The following BMERB1 variants were observed in gnomAD, a reference collection of about 807,000 sequenced individuals.
BMERB1 encodes the protein bMERB domain-containing protein 1.
Under a neutral mutation model 23.6 loss-of-function variants are expected in BMERB1, and 12 were observed. That is an observed-to-expected ratio of 0.51 (90% CI 0.33 to 0.82). The LOEUF is 0.82. Among genes scored for constraint, BMERB1 ranks in the 40% least tolerant of loss-of-function variants. BMERB1 has a pLI of 0.03. For synonymous variants in BMERB1, 122 were observed against 96.6 expected, an observed-to-expected ratio of 1.26 and a Z score of -1.54; for missense variants, 247 against 255.4, an observed-to-expected ratio of 0.97 and a Z score of 0.22.
chr16:15,495,527 G>A (rs1030503837), intron 1 of BMERB1, among the ~76,000 whole-genome samples: 1 of 152,224 alleles, frequency 6.6e-6, no homozygotes, highest in South Asian at 2.1e-4. Flanking sequence ...CACCACGCCT[G>A]GCTAATTTTT....
chr16:15,509,899 A>G (rs1301883611), intron 1 of BMERB1, among the ~76,000 whole-genome samples: 1 of 152,184 alleles, frequency 6.6e-6, no homozygotes, highest in African/African-American at 2.4e-5. Context: ...ATGAGCTCAC[A>G]TTGGATTAGG....
chr16:15,472,963 A>G (rs1598458064), intron 1 of BMERB1, among the ~76,000 whole-genome samples: 1 of 150,160 alleles, frequency 6.7e-6, no homozygotes, highest in Non-Finnish European at 1.5e-5. Context: ...AGGTTCAAGC[A>G]GTTCTCATGC....
chr16:15,575,292 A>G lies in BMERB1; in HGVS notation c.305-5925A>G, dbSNP rs76353066. On this transcript the variant is annotated intron_variant, in intron 3 of 5. Transcript: ENST00000300006. ...CCTGGGTTTCTGAAAAACAACTCAG[A>G]CATATATGCTAAGATGTTTATCTTC... Among the ~76,000 whole-genome samples the G allele has an allele frequency of 2.6e-3, 396 of 152,296 alleles. 2 individuals are homozygous for G. Among genetic ancestry groups the G allele is most frequent in the African/African-American group, 8.9e-3 (369 of 41,570 alleles).
intron 2 of BMERB1, among the ~76,000 whole-genome samples, chr16:15,528,736 ATGTT>A (rs2051935435): frequency 6.6e-6 from 1 of 151,656 alleles, no homozygotes; most frequent in Admixed American, 6.6e-5. Context: ...TATGATCTGA[ATGTT>A]TGTATCACCC....
At chr16:15,569,149 G>A (rs1321312692) in intron 3 of BMERB1, among the ~76,000 whole-genome samples, 2 of 152,178 alleles carry the variant, frequency 1.3e-5, no homozygotes, top group African/African-American at 4.8e-5. Flanking sequence ...CCAGGAGGTG[G>A]AGGTTGCAGT....
intron 2 of BMERB1, among the ~76,000 whole-genome samples, chr16:15,559,201 A>G (rs756678684): frequency 6.6e-6 from 1 of 152,144 alleles, no homozygotes; most frequent in Non-Finnish European, 1.5e-5. Flanking sequence ...CTTACATTTC[A>G]TTGGCCCAGA....
intron 1 of BMERB1, among the ~76,000 whole-genome samples, chr16:15,505,757 GGGCGCCTGTA>G (rs1367217078): frequency 6.6e-6 from 1 of 151,900 alleles, no homozygotes; most frequent in African/African-American, 2.4e-5. Flanking sequence ...GTGTGGTGGT[GGGCGCCTGTA>G]GTCCCAGCTA....
At position 15,587,610 on chromosome 16, in the gene BMERB1, C is replaced by A; in HGVS notation, c.*781C>A. The A allele has an allele frequency of 2.3e-6, 1 of 436,782 alleles. No individual in the cohort carries two copies. The highest frequency in any genetic ancestry group is 4.7e-6 in the Non-Finnish European group (1 of 214,278). The allele number at this position is 436,782 out of a possible 1,614,324, so 27.1% of individuals were successfully genotyped here. On this transcript the variant is annotated 3_prime_UTR_variant, in exon 6 of 6. Transcript: ENST00000300006. ...AAGGCCAGAGCAGTTGAGAATGGGA[C>A]CCAGAGTAGATGCTGACCTGGGCAC...
intron 1 of BMERB1, among the ~76,000 whole-genome samples, chr16:15,488,180 A>G (rs1390597092): frequency 6.6e-6 from 1 of 151,972 alleles, no homozygotes; most frequent in Non-Finnish European, 1.5e-5. Context: ...AAAAGCAGTC[A>G]TCAACAGTAC....
chr16:15,449,732 GAC>G (rs1031853929), intron 1 of BMERB1, among the ~76,000 whole-genome samples: 2 of 151,810 alleles, frequency 1.3e-5, no homozygotes, highest in African/African-American at 4.8e-5. Flanking sequence ...TTTTACTAGA[GAC>G]AAGCTTTCAC....
chr16:15,505,497 C>T (rs143145600), intron 1 of BMERB1, among the ~76,000 whole-genome samples: 1 of 152,178 alleles, frequency 6.6e-6, no homozygotes, highest in African/African-American at 2.4e-5. Flanking sequence ...TTTGTTTCCT[C>T]AGGTTTATTT....
At chr16:15,471,993 T>G (rs1057427257) in intron 1 of BMERB1, among the ~76,000 whole-genome samples, 1 of 152,254 alleles carries the variant, frequency 6.6e-6, no homozygotes, top group Admixed American at 6.5e-5. Flanking sequence ...TCTTTAAGTT[T>G]TGTTTTAGAA....
At position 15,487,348 on chromosome 16, in the gene BMERB1, T is replaced by G. The variant is rs76192107; in HGVS notation, c.107-27957T>G. On this transcript the variant is annotated intron_variant, in intron 1 of 5. Coordinates refer to ENST00000300006, the MANE Select transcript of BMERB1 (RefSeq NM_033201.3). ...AATTTAAAGCCTTTAATATCTTAGT[T>G]TATAAAAGACAAGTTACAGAATGTC... Among the ~76,000 whole-genome samples, 5 of 152,324 alleles carry G rather than the reference T, an allele frequency of 3.3e-5. No homozygotes were observed. In the East Asian group the frequency reaches 9.6e-4, roughly 29 times the overall value.
At chr16:15,565,732 C>T (rs1048539147) in intron 2 of BMERB1, among the ~76,000 whole-genome samples, 2 of 152,178 alleles carry the variant, frequency 1.3e-5, no homozygotes, top group Non-Finnish European at 2.9e-5. Context: ...GATGGCTGCA[C>T]AGCTGTAGTG....
At chr16:15,560,593 A>T (rs1327875827) in intron 2 of BMERB1, among the ~76,000 whole-genome samples, 3 of 152,016 alleles carry the variant, frequency 2.0e-5, no homozygotes, top group Non-Finnish European at 2.9e-5. Flanking sequence ...GGAGTTTGAG[A>T]CCAGCCTGGG....
chr16:15,540,984 C>T (rs1205792754), intron 2 of BMERB1, among the ~76,000 whole-genome samples: 2 of 152,014 alleles, frequency 1.3e-5, no homozygotes, highest in East Asian at 1.9e-4. Context: ...AGCATCAGGT[C>T]CTGCAAGTTA....
At chr16:15,558,657 CAT>C (rs1175171207) in intron 2 of BMERB1, among the ~76,000 whole-genome samples, 5 of 151,806 alleles carry the variant, frequency 3.3e-5, no homozygotes, top group Admixed American at 6.6e-5. Flanking sequence ...ATATATGTGA[CAT>C]ATGACATATA....
intron 1 of BMERB1, among the ~76,000 whole-genome samples, chr16:15,466,496 A>C (rs759855880): frequency 7.2e-5 from 11 of 151,920 alleles, no homozygotes; most frequent in Non-Finnish European, 1.5e-4. Context: ...TGTGTATTAT[A>C]AATTTCAGCT....
chr16:15,441,102 G>C (rs1434954734), intron 1 of BMERB1, among the ~76,000 whole-genome samples: 1 of 152,186 alleles, frequency 6.6e-6, no homozygotes, highest in Non-Finnish European at 1.5e-5. Flanking sequence ...GCCAGACTAG[G>C]TAGGGCCTTT....
Sources: gnomAD v4.1 joint callset for allele counts (sites outside exome capture counted in the v4.1 genomes callset) on GRCh38, gnomAD v4.1.1 for gene constraint, MANE v1.5 for transcripts, NCBI Gene and HGNC (gene_info 2026-07-23, HGNC 2026-07-21) for gene names.